The following COL22A1 variants were observed in gnomAD, a reference collection of about 807,000 sequenced individuals.
The protein encoded by COL22A1 is collagen alpha-1(XXII) chain.
COL22A1 carries 221 observed loss-of-function variants against 248.9 expected under a neutral mutation model. That is an observed-to-expected ratio of 0.89 (90% confidence interval 0.80 to 0.99). The LOEUF (loss-of-function observed/expected upper bound fraction) is 0.99, where lower values mean the gene tolerates loss of function less well. Ranked by LOEUF, COL22A1 falls within the 50% of genes least tolerant of loss-of-function variation. The probability of loss-of-function intolerance (pLI) is 0.00; values close to 1 mark genes in which losing one functional copy is unlikely to be tolerated. For missense variants in COL22A1, 2,240 were observed against 2,179.0 expected (o/e 1.03, Z -0.56); for synonymous variants, 891 against 793.4 (o/e 1.12, Z -2.07).
chr8:138,760,509 C>T (rs948510185), intron 17 of COL22A1, among the ~76,000 whole-genome samples: 2 of 152,146 alleles, frequency 1.3e-5, no homozygotes, highest in Admixed American at 6.5e-5. Flanking sequence ...TCTGCAGTTG[C>T]GCTGGTTCTG....
intron 1 of COL22A1, among the ~76,000 whole-genome samples, chr8:138,893,123 A>G (rs1017838902): frequency 6.6e-6 from 1 of 152,224 alleles, no homozygotes; most frequent in Non-Finnish European, 1.5e-5. Context: ...TTGGAGCCCA[A>G]CCAAGCTTGC....
chr8:138,782,768 G>C (rs962737732), intron 12 of COL22A1, among the ~76,000 whole-genome samples: 1 of 151,854 alleles, frequency 6.6e-6, no homozygotes, highest in African/African-American at 2.4e-5. Context: ...TGTGGGAACA[G>C]AATTGGGCTT....
intron 1 of COL22A1, among the ~76,000 whole-genome samples, chr8:138,891,891 T>G (rs947929731): frequency 6.6e-6 from 1 of 152,222 alleles, no homozygotes; most frequent in South Asian, 2.1e-4. Flanking sequence ...AGTTAACCCC[T>G]GGGAGGGAAG....
In COL22A1 at chr8:138,671,485, C is replaced by T. The variant is rs555958795; in HGVS notation, c.3150+5073G>A. On this transcript the variant is annotated intron_variant, in intron 41 of 64. Transcript: ENST00000303045. Reference sequence around the variant, plus strand: ...TGAGCTCAAGTGTTGTGAGTATCTGCTTAAATGCTGCGTGATTCTAATCAT... The same window carrying T: ...TGAGCTCAAGTGTTGTGAGTATCTGTTTAAATGCTGCGTGATTCTAATCAT... Among the ~76,000 whole-genome samples the T allele has an allele frequency of 4.6e-5, 7 of 152,340 alleles. No individual in the cohort carries two copies. The East Asian group carries it at 1.3e-3, about 29-fold the overall frequency.
rs1821027023 is a variant in COL22A1 at position 138,634,985 on chromosome 8, G to C, written c.3609+25C>G. Reference sequence around the variant, plus strand: ...CATTCAAATGTCAAGGCCGAAAGAGGAGGGGATTAAAGATGATTACTTACT... The same window carrying C: ...CATTCAAATGTCAAGGCCGAAAGAGCAGGGGATTAAAGATGATTACTTACT... On this transcript the variant is annotated intron_variant, in intron 49 of 64. Coordinates refer to ENST00000303045, the MANE Select transcript of COL22A1 (RefSeq NM_152888.3). The C allele has an allele frequency of 3.3e-6, 5 of 1,511,432 alleles. No individual in the cohort carries two copies. In the East Asian group the frequency reaches 1.1e-4, roughly 34 times the overall value. 93.6% of individuals were successfully genotyped at this position (1,511,432 alleles called of 1,614,324 possible). A position where few individuals can be genotyped will look rare whatever the true frequency, so the allele number is the denominator to read the frequency against.
chr8:138,615,284 C>A (rs1231914837), intron 55 of COL22A1, among the ~76,000 whole-genome samples: 2 of 152,122 alleles, frequency 1.3e-5, no homozygotes, highest in African/African-American at 4.8e-5. Context: ...TAGTCCTAAC[C>A]CTTTGGGAGA....
chr8:138,780,169 G>A (rs2131522687), intron 13 of COL22A1, among the ~76,000 whole-genome samples: 2 of 152,310 alleles, frequency 1.3e-5, no homozygotes, highest in Middle Eastern at 3.4e-3. Context: ...CCTGACGGTT[G>A]TCTTCATGGA....
intron 12 of COL22A1, among the ~76,000 whole-genome samples, chr8:138,787,042 A>T (rs1055758187): frequency 3.3e-5 from 5 of 152,204 alleles, no homozygotes; most frequent in Non-Finnish European, 7.3e-5. Flanking sequence ...CTTTCAGATG[A>T]GAATTAAATG....
chr8:138,901,546 T>C (rs1587001665), intron 1 of COL22A1, among the ~76,000 whole-genome samples: 1 of 151,866 alleles, frequency 6.6e-6, no homozygotes, highest in South Asian at 2.1e-4. Context: ...TTTGTACTTT[T>C]TGTAGAGACA....
At chr8:138,646,579 T>C (rs375259721) in intron 47 of COL22A1, 50 bp downstream of exon 47, 3 of 1,384,288 alleles carry the variant, frequency 2.2e-6, no homozygotes, top group South Asian at 1.4e-5. Context: ...AGATTAACCA[T>C]TGAGATGAGC....
chr8:138,752,083 C>T (rs749095685), intron 21 of COL22A1, among the ~76,000 whole-genome samples: 3 of 152,216 alleles, frequency 2.0e-5, no homozygotes, highest in Non-Finnish European at 2.9e-5. Context: ...AGGCAAGTCA[C>T]TTGGTGCCGT....
At chr8:138,829,825 C>G (rs934979577) in intron 5 of COL22A1, among the ~76,000 whole-genome samples, 8 of 152,076 alleles carry the variant, frequency 5.3e-5, no homozygotes, top group African/African-American at 1.4e-4. Context: ...GAAATACACA[C>G]AGACAAGTGT....
intron 17 of COL22A1, 84 bp from the exon 18 acceptor site, chr8:138,760,371 A>T: frequency 7.8e-7 from 1 of 1,283,914 alleles, no homozygotes; most frequent in Non-Finnish European, 1.1e-6. Flanking sequence ...GTTGAAAGAC[A>T]GCTGCCCACT....
In COL22A1 at chr8:138,883,147, A is replaced by G. The variant is rs753041714; in HGVS notation, c.26T>C (p.Val9Ala). 35 of 1,598,252 alleles carry G rather than the reference A, an allele frequency of 2.2e-5. No homozygotes were observed. The highest frequency in any genetic ancestry group is 5.2e-5 in the Admixed American group (3 of 57,976). Residue 9 changes from valine to alanine, a missense_variant, in exon 2 of 65, where the codon GTG becomes GCG. Val to Ala is a moderately conservative substitution (Grantham distance 64). Transcript: ENST00000303045. Reference sequence around the variant, plus strand: ...CAGCAGCATCCAGAGGAGGCCAGCCACAGCGTTCCCTCGGAGGCCGGCCAT... The same window carrying G: ...CAGCAGCATCCAGAGGAGGCCAGCCGCAGCGTTCCCTCGGAGGCCGGCCAT... The part of the protein sequence containing the change: MAGLRGNA[V>A]AGLLWMLLLW...
intron 3 of COL22A1, among the ~76,000 whole-genome samples, chr8:138,863,160 G>A (rs1292310090): frequency 3.9e-5 from 6 of 152,122 alleles, no homozygotes; most frequent in African/African-American, 9.7e-5. Context: ...CAGGCTTGCC[G>A]GCTCCCCGTT....
chr8:138,673,095 C>A (rs1034808935), intron 41 of COL22A1, among the ~76,000 whole-genome samples: 2 of 152,192 alleles, frequency 1.3e-5, no homozygotes, highest in African/African-American at 4.8e-5. Flanking sequence ...CAGAGATTGG[C>A]AGACAGAGCT....
At chr8:138,845,459 G>A (rs1821175341) in intron 3 of COL22A1, among the ~76,000 whole-genome samples, 3 of 151,886 alleles carry the variant, frequency 2.0e-5, no homozygotes, top group African/African-American at 7.3e-5. Flanking sequence ...AGGCTGCAGT[G>A]AGCTGAGATC....
intron 41 of COL22A1, among the ~76,000 whole-genome samples, chr8:138,667,393 G>A (rs777129985): frequency 3.9e-5 from 6 of 152,106 alleles, no homozygotes; most frequent in Non-Finnish European, 8.8e-5. Flanking sequence ...TTGTGTCAAA[G>A]GTAATCAGAA....
chr8:138,793,169 C>T (rs1392240743), intron 12 of COL22A1, among the ~76,000 whole-genome samples: 1 of 152,184 alleles, frequency 6.6e-6, no homozygotes, highest in Non-Finnish European at 1.5e-5. Context: ...CTACCCAATA[C>T]CCTCAAACTC....
Sources: gnomAD v4.1 joint callset for allele counts (sites outside exome capture counted in the v4.1 genomes callset) on GRCh38, gnomAD v4.1.1 for gene constraint, MANE v1.5 for transcripts, NCBI Gene and HGNC (gene_info 2026-07-23, HGNC 2026-07-21) for gene names.